Variants in SLC25A12 observed in about 807,000 individuals in gnomAD.
SLC25A12 encodes the protein solute carrier family 25 member 12.
In SLC25A12, 32 loss-of-function variants were observed where a neutral mutation model predicts 83.3. The observed-to-expected ratio is 0.38, with a 90% CI of 0.29 to 0.52. The LOEUF (loss-of-function observed/expected upper bound fraction) is 0.52. SLC25A12 is among the 20% of genes least tolerant of loss of function. The pLI, the probability that SLC25A12 is intolerant of heterozygous loss-of-function variation, is 0.84. For missense variants in SLC25A12, 611 were observed against 835.6 expected, an observed-to-expected ratio of 0.73 and a Z score of 3.31; for synonymous variants, 267 against 291.1, an observed-to-expected ratio of 0.92 and a Z score of 0.84.
intron 2 of SLC25A12, among the ~76,000 whole-genome samples, chr2:171,888,453 T>A (rs927202291): frequency 2.0e-5 from 3 of 151,906 alleles, no homozygotes; most frequent in African/African-American, 7.3e-5. Context: ...ATTATTATTT[T>A]TTTTGAGACA....
At chr2:171,787,761 A>G in intron 16 of SLC25A12, 28 bp downstream of exon 16, 2 of 1,613,570 alleles carry the variant, frequency 1.2e-6, no homozygotes, top group Non-Finnish European at 1.7e-6. Flanking sequence ...CCAGCCAGCC[A>G]TTCTGTATGG....
At chr2:171,843,976 G>A (rs1329618636) in intron 5 of SLC25A12, among the ~76,000 whole-genome samples, 2 of 151,938 alleles carry the variant, frequency 1.3e-5, no homozygotes, top group African/African-American at 2.4e-5. Context: ...TAGTAGAGAT[G>A]GGGTTTCACC....
chr2:171,787,485 A>G (rs1690510788), intron 17 of SLC25A12, 86 bp downstream of exon 17: 3 of 1,028,170 alleles, frequency 2.9e-6, no homozygotes, highest in Admixed American at 1.7e-5. Flanking sequence ...GTTTTCTAAG[A>G]GTTGCAACAA....
chr2:171,868,851 T>C lies in SLC25A12; in HGVS notation c.67-28A>G, dbSNP rs181099920. 1.6e-5 allele frequency: 25 copies of C among 1,572,424 alleles called. No homozygotes were observed. The Admixed American group carries it at 4.0e-4, about 25-fold the overall frequency. On this transcript the variant is annotated intron_variant, in intron 2 of 17. Transcript: ENST00000422440. ...AAAAAAATAAATAAATAATGCATAC[T>C]GAAAAATTATCCAATATCATTTTAT...
intron 2 of SLC25A12, among the ~76,000 whole-genome samples, 197 bp downstream of exon 2, chr2:171,893,008 A>G (rs768311554): frequency 5.9e-5 from 9 of 152,174 alleles, no homozygotes; most frequent in Non-Finnish European, 1.2e-4. Flanking sequence ...AACTTGAGGA[A>G]AACCTTTTAT....
intron 2 of SLC25A12, among the ~76,000 whole-genome samples, chr2:171,887,600 CCTT>C (rs545573592): frequency 2.0e-5 from 3 of 152,224 alleles, no homozygotes; most frequent in South Asian, 2.1e-4. Flanking sequence ...TCCCACCTCA[CCTT>C]CTTCTTCACT....
chr2:171,794,590 G>GAAA (rs11450885), intron 13 of SLC25A12, among the ~76,000 whole-genome samples: 65 of 135,236 alleles, frequency 4.8e-4, no homozygotes, highest in Middle Eastern at 3.9e-3. Context: ...AACTAGTAGA[G>GAAA]AAAAAAAAAA....
At chr2:171,848,414 CAG>C in intron 4 of SLC25A12, 1 of 382,562 alleles carries the variant, frequency 2.6e-6, no homozygotes, top group Non-Finnish European at 5.4e-6. Context: ...TTCTTATTGT[CAG>C]GGGGAAAAGT....
At chr2:171,874,475 CTTCT>C (rs1220062251) in intron 2 of SLC25A12, among the ~76,000 whole-genome samples, 1 of 152,202 alleles carries the variant, frequency 6.6e-6, no homozygotes, top group African/African-American at 2.4e-5. Flanking sequence ...GCTTGTGTTG[CTTCT>C]TTGTTTCATT....
chr2:171,882,877 T>C (rs1322946913), intron 2 of SLC25A12, among the ~76,000 whole-genome samples: 2 of 152,230 alleles, frequency 1.3e-5, no homozygotes, highest in Non-Finnish European at 2.9e-5. Context: ...TCAGAGCCTA[T>C]GGCTGGACCG....
At chr2:171,856,643 T>G (rs1685051853) in intron 3 of SLC25A12, 3 of 152,224 alleles carry the variant, frequency 2.0e-5, no homozygotes, top group African/African-American at 7.2e-5. Flanking sequence ...CATTCCAATT[T>G]TATTATATGT....
At chr2:171,797,127 A>G (rs1304735074) in intron 13 of SLC25A12, among the ~76,000 whole-genome samples, 3 of 152,244 alleles carry the variant, frequency 2.0e-5, no homozygotes, top group African/African-American at 7.2e-5. Flanking sequence ...CACTGCTTGC[A>G]GTAAATATAA....
intron 11 of SLC25A12, among the ~76,000 whole-genome samples, chr2:171,812,690 A>G (rs763060725): frequency 1.6e-4 from 25 of 152,034 alleles, no homozygotes; most frequent in Non-Finnish European, 2.6e-4. Flanking sequence ...CTCAGTCTAG[A>G]GTGGCTGCTA....
At chr2:171,803,197 T>G (rs184900012) in intron 13 of SLC25A12, among the ~76,000 whole-genome samples, 3 of 149,748 alleles carry the variant, frequency 2.0e-5, no homozygotes, top group Admixed American at 6.6e-5. Flanking sequence ...ACTATAAAAC[T>G]CTGAAAAGAA....
intron 2 of SLC25A12, among the ~76,000 whole-genome samples, chr2:171,883,308 G>A (rs1047769946): frequency 1.5e-4 from 23 of 152,166 alleles, no homozygotes; most frequent in African/African-American, 4.3e-4. Context: ...TGTGCTAGGT[G>A]TCATTATCCC....
intron 7 of SLC25A12, among the ~76,000 whole-genome samples, 191 bp downstream of exon 7, chr2:171,834,536 C>A (rs1227708400): frequency 1.3e-5 from 2 of 152,178 alleles, no homozygotes; most frequent in African/African-American, 4.8e-5. Flanking sequence ...GTCAAAGCCA[C>A]TTTTCCATTC....
At position 171,784,136 on chromosome 2, in the gene SLC25A12, G is replaced by A. The variant is rs763069990; in HGVS notation, c.*1138C>T. Reference sequence around the variant, plus strand: ...TGATGAGTGACTTTTAGAACAGTTTGCATTTGGATTCCAAAGTAAGAACCT... The same window carrying A: ...TGATGAGTGACTTTTAGAACAGTTTACATTTGGATTCCAAAGTAAGAACCT... On this transcript the variant is annotated 3_prime_UTR_variant, in exon 18 of 18. Coordinates refer to ENST00000422440, the MANE Select transcript of SLC25A12 (RefSeq NM_003705.5). 6.6e-6 allele frequency among the ~76,000 whole-genome samples: 1 copy of A among 152,138 alleles called. No individual in the cohort carries two copies. Among genetic ancestry groups the A allele is most frequent in the Non-Finnish European group, 1.5e-5 (1 of 68,030 alleles).
intron 9 of SLC25A12, among the ~76,000 whole-genome samples, chr2:171,815,426 G>C (rs1396186296): frequency 2.0e-5 from 3 of 152,134 alleles, no homozygotes; most frequent in Non-Finnish European, 4.4e-5. Flanking sequence ...TAAAAACCAT[G>C]TTAGGCCAAA....
At chr2:171,812,781 T>G (rs1318024201) in intron 11 of SLC25A12, among the ~76,000 whole-genome samples, 1 of 143,238 alleles carries the variant, frequency 7.0e-6, no homozygotes, top group African/African-American at 2.6e-5. Context: ...GAATTAGACT[T>G]GGAACCAAAG....
Sources: allele counts gnomAD v4.1 joint callset (sites outside exome capture counted in the v4.1 genomes callset), GRCh38; gene constraint gnomAD v4.1.1; transcripts MANE v1.5; gene names NCBI Gene and HGNC (gene_info 2026-07-23, HGNC 2026-07-21).